The following CPEB2 variants were observed in gnomAD, a reference collection of about 807,000 sequenced individuals.
CPEB2 encodes cytoplasmic polyadenylation element-binding protein 2.
CPEB2 carries 56 observed loss-of-function variants against 93.6 expected under a neutral mutation model. That is an observed-to-expected ratio of 0.60 (90% confidence interval 0.48 to 0.75). CPEB2 has a LOEUF of 0.75. Ranked by LOEUF, CPEB2 falls within the 30% of genes least tolerant of loss-of-function variation. The pLI, the probability that CPEB2 is intolerant of heterozygous loss-of-function variation, is 0.00. For synonymous variants in CPEB2, 764 were observed against 586.3 expected (o/e 1.30, Z -4.38); for missense variants, 1,579 against 1,395.1 (o/e 1.13, Z -2.10).
chr4:15,037,243 C>G (rs969699505), intron 5 of CPEB2, among the ~76,000 whole-genome samples: 1 of 151,436 alleles, frequency 6.6e-6, no homozygotes, highest in Non-Finnish European at 1.5e-5. Context: ...TTGGAGCTTG[C>G]AGTGATGCAG....
Position 15,003,329 on chromosome 4 carries a change from T to G in CPEB2, c.656T>G (p.Leu219Arg), listed in dbSNP as rs1722252334. Residue 219 changes from leucine (L) to arginine (R), a missense_variant, in exon 1 of 12, where the codon CTC becomes CGC. Coordinates refer to ENST00000538197, the MANE Select transcript of CPEB2 (RefSeq NM_001177382.2). ...CCGCCGCCGCCAGCCGGCCCGCTCC[T>G]CCAGCCGGCGCAGCTCGCTCAGCGC... The part of the protein sequence containing the change: ...SPPPPPAGPL[L>R]QPAQLAQRQQ... The G allele has an allele frequency of 7.1e-7, 1 of 1,407,040 alleles. No homozygotes were observed. The highest frequency in any genetic ancestry group is 1.5e-5 in the African/African-American group (1 of 64,896). The allele number at this position is 1,407,040 out of a possible 1,614,324, so 87.2% of individuals were successfully genotyped here.
chr4:15,026,980 T>C (rs1725546564), intron 4 of CPEB2, among the ~76,000 whole-genome samples: 1 of 152,174 alleles, frequency 6.6e-6, no homozygotes, highest in Non-Finnish European at 1.5e-5. Flanking sequence ...GTTATCAGCA[T>C]TACTTTTGTT....
chr4:15,041,242 A>G (rs1727156225), intron 6 of CPEB2, among the ~76,000 whole-genome samples: 1 of 152,202 alleles, frequency 6.6e-6, no homozygotes, highest in Non-Finnish European at 1.5e-5. Context: ...GAGAGGAAGC[A>G]AAAGTATGCT....
chr4:15,041,074 C>G (rs1340815697), intron 6 of CPEB2, among the ~76,000 whole-genome samples: 35 of 152,046 alleles, frequency 2.3e-4, no homozygotes. Context: ...TTTCCCTCCC[C>G]CACAAAAGTA....
At position 15,027,473 on chromosome 4, in the gene CPEB2, G is replaced by A. The variant is rs190088972; in HGVS notation, c.2126-5688G>A. 4.6e-5 allele frequency among the ~76,000 whole-genome samples: 7 copies of A among 152,324 alleles called. No individual in the cohort carries two copies. In the East Asian group the frequency reaches 1.3e-3, roughly 29 times the overall value. On this transcript the variant is annotated intron_variant, in intron 4 of 11. Coordinates refer to ENST00000538197, the MANE Select transcript of CPEB2 (RefSeq NM_001177382.2). ...ATGAGGCATGCATTGAAATTTGGGA[G>A]TGTGGTCAGGAATGACTGTCCTGCC...
At chr4:15,045,444 A>G (rs1370020293) in intron 6 of CPEB2, among the ~76,000 whole-genome samples, 1 of 151,974 alleles carries the variant, frequency 6.6e-6, no homozygotes, top group Non-Finnish European at 1.5e-5. Context: ...TTTAATTTAG[A>G]CTCATGGGAG....
intron 6 of CPEB2, among the ~76,000 whole-genome samples, chr4:15,041,392 T>C (rs1365523073): frequency 6.6e-6 from 1 of 150,562 alleles, no homozygotes; most frequent in Non-Finnish European, 1.5e-5. Flanking sequence ...GGAATAATAG[T>C]GCCCTTTGAT....
intron 10 of CPEB2, among the ~76,000 whole-genome samples, chr4:15,060,970 A>G (rs1029141122): frequency 5.9e-5 from 9 of 152,178 alleles, no homozygotes; most frequent in Non-Finnish European, 1.3e-4. Flanking sequence ...GGAAGAATAC[A>G]GAAAGAATGA....
intron 6 of CPEB2, among the ~76,000 whole-genome samples, chr4:15,040,861 G>C (rs775979720): frequency 6.6e-6 from 1 of 152,134 alleles, no homozygotes; most frequent in Non-Finnish European, 1.5e-5. Flanking sequence ...TCATATTTAT[G>C]ATGTATAATT....
chr4:15,026,330 G>A (rs1317145308), intron 4 of CPEB2, among the ~76,000 whole-genome samples: 1 of 151,718 alleles, frequency 6.6e-6, no homozygotes, highest in Non-Finnish European at 1.5e-5. Flanking sequence ...GGGTTCAAGC[G>A]ATTGTCCTGC....
chr4:15,003,532 G>A lies in CPEB2; in HGVS notation c.859G>A (p.Ala287Thr). The A allele has an allele frequency of 6.9e-7, 1 of 1,449,596 alleles. No homozygotes were observed. The highest frequency in any genetic ancestry group is 9.1e-7 in the Non-Finnish European group (1 of 1,103,286). The allele number at this position is 1,449,596 out of a possible 1,614,324, so 89.8% of individuals were successfully genotyped here. The change falls in exon 1 of 12, where the codon GCC becomes ACC. Residue 287 changes from alanine to threonine, a missense_variant. Around this residue, in one of 2 missense-constraint regions of CPEB2, gnomAD observed 1,411 missense variants for 1,056.0 expected, o/e 1.34. Coordinates refer to ENST00000538197, the MANE Select transcript of CPEB2 (RefSeq NM_001177382.2). ...GGAGSPRKTP[A>T]AGEGSAAESP... ...CGCGGGCAGCCCTCGCAAGACCCCA[G>A]CCGCGGGCGAGGGCAGCGCCGCCGA... is the stretch of plus-strand genomic sequence containing the variant.
chr4:15,002,962 C>T lies in CPEB2; in HGVS notation c.289C>T (p.Leu97=), dbSNP rs1330792074. The T allele has an allele frequency of 6.6e-7, 1 of 1,513,868 alleles. No individual in the cohort carries two copies. Among genetic ancestry groups the T allele is most frequent in the Non-Finnish European group, 8.8e-7 (1 of 1,140,846 alleles). 93.8% of individuals were successfully genotyped at this position (1,513,868 alleles called of 1,614,324 possible). ...LAHQQTMQDE[L]LLGLTQQPAR... ...GCATCAGCAGACCATGCAGGATGAG[C>T]TGCTTCTGGGGCTGACACAGCAGCC... The change falls in exon 1 of 12, where the codon CTG becomes TTG. Residue 97 remains leucine (L), a synonymous_variant. Coordinates refer to ENST00000538197, the MANE Select transcript of CPEB2 (RefSeq NM_001177382.2).
intron 5 of CPEB2, among the ~76,000 whole-genome samples, chr4:15,039,762 G>C (rs1726994419): frequency 6.6e-6 from 1 of 151,614 alleles, no homozygotes; most frequent in South Asian, 2.1e-4. Flanking sequence ...CCATGATTTT[G>C]TTAATAGTAA....
At position 15,004,342 on chromosome 4, in the gene CPEB2, C is replaced by A. The variant is rs920930766; in HGVS notation, c.1662+7C>A. 4 of 1,439,254 alleles carry A rather than the reference C, an allele frequency of 2.8e-6. No homozygotes were observed. Among genetic ancestry groups the A allele is most frequent in the South Asian group, 1.4e-5 (1 of 72,472 alleles). The allele number at this position is 1,439,254 out of a possible 1,614,324, so 89.2% of individuals were successfully genotyped here. On this transcript the variant is annotated splice_region_variant and intron_variant, in intron 1 of 11. Coordinates refer to ENST00000538197, the MANE Select transcript of CPEB2 (RefSeq NM_001177382.2). ...CTCCTATAACCACCACCAGGTACGG[C>A]GGGCGGCGGCCTGGCCGCGCCGCGG... is the stretch of plus-strand genomic sequence containing the variant.
chr4:15,064,559 A>G (rs1729504531), intron 11 of CPEB2, among the ~76,000 whole-genome samples: 1 of 151,292 alleles, frequency 6.6e-6, no homozygotes, highest in African/African-American at 2.4e-5. Flanking sequence ...CCTGGTTTCA[A>G]TCTGTCTAAA....
chr4:15,011,159 G>A (rs1292774333), intron 3 of CPEB2, among the ~76,000 whole-genome samples: 1 of 141,894 alleles, frequency 7.0e-6, no homozygotes, highest in African/African-American at 2.7e-5. Context: ...GAAGTGCAGT[G>A]GCACGATCTC....
chr4:15,043,698 T>C (rs2044825476), intron 6 of CPEB2, among the ~76,000 whole-genome samples: 1 of 152,000 alleles, frequency 6.6e-6, no homozygotes, highest in African/African-American at 2.4e-5. Flanking sequence ...GGAATAAAAA[T>C]ATATAGAATA....
Position 15,003,781 on chromosome 4 carries a change from T to G in CPEB2, c.1108T>G (p.Ser370Ala). The G allele has an allele frequency of 2.0e-5, 13 of 665,378 alleles. No homozygotes were observed. The highest frequency in any genetic ancestry group is 1.3e-4 in the South Asian group (2 of 14,916). 41.2% of individuals were successfully genotyped at this position (665,378 alleles called of 1,614,324 possible). A position where few individuals can be genotyped will look rare whatever the true frequency, so the allele number is the denominator to read the frequency against. ...CCCAGGAGGCGGAGGGGGAGGCGGC[T>G]CCGCGTCGCCGCCGCCGCTGCCCGG... ...GPPGGGGGGGSASPPPLPGFG... is the reference protein window; with the variant it reads ...GPPGGGGGGGAASPPPLPGFG... Residue 370 changes from serine to alanine, a missense_variant, in exon 1 of 12, where the codon TCC (serine) becomes GCC (alanine). Physicochemically the swap from Ser to Ala is moderately conservative, Grantham distance 99 (BLOSUM62 1). Transcript: ENST00000538197.
At chr4:15,048,759 A>G (rs1258411754) in intron 6 of CPEB2, among the ~76,000 whole-genome samples, 6 of 151,994 alleles carry the variant, frequency 3.9e-5, no homozygotes. Context: ...GTTGTGTTTC[A>G]TTATCATTCA....
Sources: allele counts gnomAD v4.1 joint callset (sites outside exome capture counted in the v4.1 genomes callset), GRCh38; gene constraint gnomAD v4.1.1; regional missense constraint gnomAD v4.1.1; transcripts MANE v1.5; gene names NCBI Gene and HGNC (gene_info 2026-07-23, HGNC 2026-07-21).